Variants in PRKCA observed in about 807,000 individuals in gnomAD.
PRKCA encodes protein kinase C alpha type.
A neutral mutation model predicts 87.0 loss-of-function variants in PRKCA; 27 were observed. That is an observed-to-expected ratio of 0.31 (90% CI 0.23 to 0.43). The LOEUF (loss-of-function observed/expected upper bound fraction) is 0.43, where lower values mean the gene tolerates loss of function less well. Among genes scored for constraint, PRKCA ranks in the 20% least tolerant of loss-of-function variants. The pLI is 1.00. For synonymous variants in PRKCA, 329 were observed against 311.1 expected (o/e 1.06, Z -0.61); for missense variants, 518 against 852.3 (o/e 0.61, Z 4.88).
intron 3 of PRKCA, among the ~76,000 whole-genome samples, chr17:66,619,686 G>A (rs1403611518): frequency 6.6e-6 from 1 of 152,120 alleles, no homozygotes; most frequent in Non-Finnish European, 1.5e-5. Flanking sequence ...TCAACTATGT[G>A]GAAACCGATC....
chr17:66,646,900 A>G (rs1332144031), intron 5 of PRKCA, among the ~76,000 whole-genome samples: 1 of 152,230 alleles, frequency 6.6e-6, no homozygotes, highest in African/African-American at 2.4e-5. Context: ...TATCATAGAT[A>G]CAGAATCCCT....
intron 3 of PRKCA, among the ~76,000 whole-genome samples, chr17:66,513,523 G>C (rs1046777634): frequency 6.6e-6 from 1 of 152,214 alleles, no homozygotes; most frequent in Non-Finnish European, 1.5e-5. Flanking sequence ...AAGTGAAGTA[G>C]ATGTTGAATT....
intron 5 of PRKCA, among the ~76,000 whole-genome samples, chr17:66,664,626 T>TGG (rs376974636): frequency 8.3e-6 from 1 of 119,980 alleles, no homozygotes; most frequent in Non-Finnish European, 1.8e-5. Flanking sequence ...CTTGTTTCTT[T>TGG]GGGGTTTTTG....
intron 3 of PRKCA, among the ~76,000 whole-genome samples, chr17:66,631,036 T>G (rs1423111567): frequency 1.3e-5 from 2 of 152,128 alleles, no homozygotes; most frequent in African/African-American, 2.4e-5. Context: ...AAGCAGGAGA[T>G]ATATGAGCCG....
chr17:66,497,288 G>A (rs1916517563), intron 3 of PRKCA, among the ~76,000 whole-genome samples: 1 of 152,106 alleles, frequency 6.6e-6, no homozygotes, highest in African/African-American at 2.4e-5. Context: ...ACCTGAGGTC[G>A]AGAGTTCAAG....
intron 5 of PRKCA, among the ~76,000 whole-genome samples, chr17:66,653,791 TAA>T (rs550316151): frequency 0.05 from 5,099 of 102,506 alleles, 345 homozygotes; most frequent in African/African-American, 0.16. Flanking sequence ...TTCCAGCTCT[TAA>T]AAAAAAAAAA....
intron 2 of PRKCA, among the ~76,000 whole-genome samples, chr17:66,375,016 A>C (rs959349992): frequency 1.3e-5 from 2 of 152,026 alleles, no homozygotes; most frequent in Non-Finnish European, 2.9e-5. Context: ...TACAGGCATG[A>C]GACACCGCAC....
At chr17:66,602,903 G>A (rs1242509796) in intron 3 of PRKCA, among the ~76,000 whole-genome samples, 2 of 152,144 alleles carry the variant, frequency 1.3e-5, no homozygotes, top group Admixed American at 6.5e-5. Flanking sequence ...CTTCCGGGGC[G>A]GTAACCGGGG....
intron 16 of PRKCA, chr17:66,796,425 C>T: frequency 1.0e-6 from 1 of 984,996 alleles, no homozygotes; most frequent in Non-Finnish European, 1.2e-6. Flanking sequence ...AAATCCTCTC[C>T]TTTGTCCGTT....
At chr17:66,550,142 C>CT (rs780256145) in intron 3 of PRKCA, among the ~76,000 whole-genome samples, 58 of 152,230 alleles carry the variant, frequency 3.8e-4, no homozygotes, top group Middle Eastern at 3.4e-3. Context: ...GAGTTTTACT[C>CT]TTTTTTCTCG....
At chr17:66,347,966 A>T (rs1331902877) in intron 2 of PRKCA, among the ~76,000 whole-genome samples, 1 of 3,938 alleles carries the variant, frequency 2.5e-4, no homozygotes, top group Non-Finnish European at 4.6e-3. Flanking sequence ...TTTTTGAGAC[A>T]AAGTCTTGCT....
intron 5 of PRKCA, among the ~76,000 whole-genome samples, chr17:66,654,172 A>C (rs1971666917): frequency 1.3e-5 from 2 of 152,136 alleles, no homozygotes; most frequent in African/African-American, 4.8e-5. Context: ...TTATCCAATG[A>C]TCTCTATGTG....
At chr17:66,661,275 GGACTGT>G (rs1971896486) in intron 5 of PRKCA, among the ~76,000 whole-genome samples, 1 of 151,406 alleles carries the variant, frequency 6.6e-6, no homozygotes, top group Admixed American at 6.6e-5. Flanking sequence ...CTGGACCAAT[GGACTGT>G]GACTGGAGGG....
chr17:66,787,049 A>ACTCTT, intron 15 of PRKCA, 75 bp downstream of exon 15: 2 of 1,133,238 alleles, frequency 1.8e-6, no homozygotes, highest in Non-Finnish European at 2.7e-6. Flanking sequence ...CCACACTTCT[A>ACTCTT]AGAGAGATGG....
intron 15 of PRKCA, 104 bp downstream of exon 15, chr17:66,787,078 A>T (rs1440023437): frequency 1.1e-6 from 1 of 927,664 alleles, no homozygotes; most frequent in Admixed American, 1.7e-5. Context: ...CCACAAACCC[A>T]CACCACTGCA....
chr17:66,509,808 T>C (rs1917144037), intron 3 of PRKCA, among the ~76,000 whole-genome samples: 1 of 152,192 alleles, frequency 6.6e-6, no homozygotes, highest in Non-Finnish European at 1.5e-5. Flanking sequence ...GGGTTATAAT[T>C]CTTTCCTGTA....
At chr17:66,450,973 C>G (rs1420482219) in intron 2 of PRKCA, among the ~76,000 whole-genome samples, 1 of 152,156 alleles carries the variant, frequency 6.6e-6, no homozygotes, top group Non-Finnish European at 1.5e-5. Context: ...ATGACCTGCT[C>G]TGTGGGTCTC....
chr17:66,435,754 G>C (rs1441067720), intron 2 of PRKCA, among the ~76,000 whole-genome samples: 1 of 152,274 alleles, frequency 6.6e-6, no homozygotes, highest in Middle Eastern at 3.4e-3. Context: ...GGACTTTTTG[G>C]GGGAGGGGGG....
chr17:66,540,907 A>T (rs367838250), intron 3 of PRKCA, among the ~76,000 whole-genome samples: 7 of 152,100 alleles, frequency 4.6e-5, no homozygotes, highest in African/African-American at 1.7e-4. Context: ...CCCTTTTCTC[A>T]GCTGAGAAAA....
Sources: gnomAD v4.1 joint callset for allele counts (sites outside exome capture counted in the v4.1 genomes callset) on GRCh38, gnomAD v4.1.1 for gene constraint, MANE v1.5 for transcripts, NCBI Gene and HGNC (gene_info 2026-07-23, HGNC 2026-07-21) for gene names.